The following ADAM18 variants were observed in gnomAD, a reference collection of about 807,000 sequenced individuals.
ADAM18 encodes ADAM metallopeptidase domain 18.
ADAM18 carries 117 observed loss-of-function variants against 94.4 expected under a neutral mutation model. The observed-to-expected ratio is 1.24, with a 90% confidence interval of 1.07 to 1.45. ADAM18 has a LOEUF of 1.45. Ranked by LOEUF, ADAM18 falls within the 40% of genes most tolerant of loss-of-function variation. The pLI, the probability that ADAM18 is intolerant of heterozygous loss-of-function variation, is 0.00. For synonymous variants in ADAM18, 327 were observed against 291.6 expected (o/e 1.12, Z -1.24); for missense variants, 936 against 880.0 (o/e 1.06, Z -0.81).
chr8:39,726,587 C>T (rs1484174926), intron 19 of ADAM18, among the ~76,000 whole-genome samples: 1 of 152,130 alleles, frequency 6.6e-6, no homozygotes, highest in Non-Finnish European at 1.5e-5. Flanking sequence ...GCTTCTATCG[C>T]ATGTGCTTTT....
chr8:39,654,987 G>A (rs1440104523), intron 12 of ADAM18, among the ~76,000 whole-genome samples: 1 of 151,952 alleles, frequency 6.6e-6, no homozygotes, highest in Non-Finnish European at 1.5e-5. Flanking sequence ...TCTTTAGGTT[G>A]TCTCTTCACT....
intron 16 of ADAM18, chr8:39,685,378 A>C (rs1255196606): frequency 6.6e-6 from 1 of 152,244 alleles, no homozygotes; most frequent in African/African-American, 2.4e-5. Flanking sequence ...GGTTTGCTAT[A>C]ATGCAGGGAA....
intron 17 of ADAM18, among the ~76,000 whole-genome samples, chr8:39,706,497 G>A (rs561001906): frequency 1.4e-4 from 21 of 152,070 alleles, no homozygotes; most frequent in Admixed American, 8.5e-4. Context: ...CTCTGAATAT[G>A]AAGACTACAA....
At chr8:39,706,754 G>T in intron 17 of ADAM18, 36 bp from the exon 18 acceptor site, 1 of 1,209,338 alleles carries the variant, frequency 8.3e-7, no homozygotes, top group Non-Finnish European at 1.2e-6. Context: ...CAAAGACTAA[G>T]ACGACTCAAA....
Position 39,618,753 on chromosome 8 carries a change from C to T in ADAM18, c.522+8047C>T, listed in dbSNP as rs575813414. Among the ~76,000 whole-genome samples, 21 of 152,246 alleles carry T rather than the reference C, an allele frequency of 1.4e-4. 1 individual carries two copies. The East Asian group carries it at 2.9e-3, about 21-fold the overall frequency. ...CCCCATGTGTCCGTTTATAGACTCC[C>T]GCAAGGGTCGCATTCCATTCCCAGA... On this transcript the variant is annotated intron_variant, in intron 6 of 19. Coordinates refer to ENST00000265707, the MANE Select transcript of ADAM18 (RefSeq NM_014237.3).
Position 39,706,877 on chromosome 8 carries a change from A to G in ADAM18, c.1990A>G (p.Ile664Val), listed in dbSNP as rs1377322309. 1.2e-6 allele frequency: 2 copies of G among 1,603,500 alleles called. No homozygotes were observed. Among genetic ancestry groups the G allele is most frequent in the Non-Finnish European group, 1.7e-6 (2 of 1,172,810 alleles). Residue 664 changes from isoleucine (I) to valine (V), a missense_variant, in exon 18 of 20, where the codon ATT becomes GTT. By Grantham distance (29) the Ile-to-Val change is conservative (BLOSUM62 3). Coordinates refer to ENST00000265707, the MANE Select transcript of ADAM18 (RefSeq NM_014237.3). ...KFQFGSPGGS[I>V]DDGNFQKSGD... ...CCAGTTTGGTTCCCCAGGGGGTAGTATTGATGATGGAAATTTTCAGAAATC... is the reference window on the plus strand; with the variant it reads ...CCAGTTTGGTTCCCCAGGGGGTAGTGTTGATGATGGAAATTTTCAGAAATC...
rs1013653690 is a variant in ADAM18 at position 39,648,608 on chromosome 8, A to C, written c.1230+81A>C. ...AGACATGTTTGTCATGGTATATATA[A>C]ATGATATATGCAACAATGCCATTAA... On this transcript the variant is annotated intron_variant, in intron 12 of 19. Transcript: ENST00000265707. 9.6e-6 allele frequency: 12 copies of C among 1,250,092 alleles called. No individual in the cohort carries two copies. The Admixed American group carries it at 3.2e-4, about 34-fold the overall frequency. 77.4% of individuals were successfully genotyped at this position (1,250,092 alleles called of 1,614,324 possible). A position where few individuals can be genotyped will look rare whatever the true frequency, so the allele number is the denominator to read the frequency against.
rs866052947 is a variant in ADAM18 at position 39,611,050 on chromosome 8, C to T, written c.522+344C>T. The T allele has an allele frequency of 4.8e-6, 5 of 1,031,672 alleles. No individual in the cohort carries two copies. The African/African-American group carries it at 8.4e-5, about 17-fold the overall frequency. 63.9% of individuals were successfully genotyped at this position (1,031,672 alleles called of 1,614,324 possible). A position where few individuals can be genotyped will look rare whatever the true frequency, so the allele number is the denominator to read the frequency against. Reference sequence around the variant, plus strand: ...TTTTGTTATATATCTTACATACTACCTGAACATATCTTTCTAAAATGCACA... The same window carrying T: ...TTTTGTTATATATCTTACATACTACTTGAACATATCTTTCTAAAATGCACA... On this transcript the variant is annotated intron_variant, in intron 6 of 19. Transcript: ENST00000265707.
chr8:39,596,720 G>A (rs916706218), intron 2 of ADAM18, among the ~76,000 whole-genome samples: 2 of 152,158 alleles, frequency 1.3e-5, no homozygotes, highest in East Asian at 1.9e-4. Context: ...TATATGGTAA[G>A]AGTATGTGTA....
intron 2 of ADAM18, among the ~76,000 whole-genome samples, chr8:39,599,379 A>G (rs540310194): frequency 1.4e-4 from 22 of 152,220 alleles, no homozygotes; most frequent in Non-Finnish European, 2.2e-4. Flanking sequence ...CTTTATAGAA[A>G]AAGAAGTATT....
intron 17 of ADAM18, among the ~76,000 whole-genome samples, chr8:39,694,680 C>T (rs1453887830): frequency 6.6e-6 from 1 of 151,390 alleles, no homozygotes; most frequent in African/African-American, 2.4e-5. Flanking sequence ...AATATATCTG[C>T]TCCCTCTCCC....
chr8:39,602,987 T>C (rs1818953177), intron 2 of ADAM18, among the ~76,000 whole-genome samples: 1 of 152,184 alleles, frequency 6.6e-6, no homozygotes, highest in Non-Finnish European at 1.5e-5. Flanking sequence ...AGGTGTGATG[T>C]CTGTATTGAG....
rs1226264123 is a variant in ADAM18, at chr8:39,696,150, A to G, written c.1902+3470A>G. 2.0e-5 allele frequency among the ~76,000 whole-genome samples: 3 copies of G among 151,590 alleles called. 1 individual carries two copies. In the South Asian group the frequency reaches 6.2e-4, roughly 31 times the overall value. On this transcript the variant is annotated intron_variant, in intron 17 of 19. Transcript: ENST00000265707. ...ATTTCCATTTCCCTAGTGATTAGCA[A>G]AGTTGAGCTTTATTTCCCTTATTGG...
At chr8:39,606,098 T>G (rs1387551394) in intron 2 of ADAM18, among the ~76,000 whole-genome samples, 2 of 152,178 alleles carry the variant, frequency 1.3e-5, no homozygotes, top group East Asian at 3.8e-4. Flanking sequence ...CCCTTCACTT[T>G]TATTTTAAAA....
chr8:39,706,850 T>A lies in ADAM18; in HGVS notation c.1963T>A (p.Phe655Ile). The A allele has an allele frequency of 6.2e-7, 1 of 1,611,414 alleles. No individual in the cohort carries two copies. Among genetic ancestry groups the A allele is most frequent in the Non-Finnish European group, 8.5e-7 (1 of 1,178,142 alleles). ...FPGHRPPDCK[F>I]QFGSPGGSID... is the part of the protein sequence containing the mutation. ...TGGACATAGACCTCCAGATTGTAAA[T>A]TCCAGTTTGGTTCCCCAGGGGGTAG... The change falls in exon 18 of 20, where the codon TTC becomes ATC. Residue 655 changes from phenylalanine to isoleucine, a missense_variant. Coordinates refer to ENST00000265707, the MANE Select transcript of ADAM18 (RefSeq NM_014237.3).
At chr8:39,595,982 G>A (rs1818730123) in intron 2 of ADAM18, among the ~76,000 whole-genome samples, 1 of 152,128 alleles carries the variant, frequency 6.6e-6, no homozygotes, top group South Asian at 2.1e-4. Context: ...CATTTTGGCT[G>A]GAACCAGAAA....
At chr8:39,664,972 T>C (rs1339209304) in intron 13 of ADAM18, among the ~76,000 whole-genome samples, 1 of 152,160 alleles carries the variant, frequency 6.6e-6, no homozygotes, top group Non-Finnish European at 1.5e-5. Flanking sequence ...TATACTAAAA[T>C]TCTGTTAGTG....
chr8:39,659,448 T>C (rs1325039775), intron 12 of ADAM18, among the ~76,000 whole-genome samples: 2 of 151,558 alleles, frequency 1.3e-5, no homozygotes, highest in Non-Finnish European at 1.5e-5. Flanking sequence ...ATTATAAACA[T>C]TGAACAGTAT....
intron 7 of ADAM18, among the ~76,000 whole-genome samples, chr8:39,634,314 C>T (rs917384530): frequency 5.9e-5 from 9 of 152,144 alleles, no homozygotes; most frequent in Admixed American, 5.9e-4. Flanking sequence ...TCAAAGGATG[C>T]CTCAGAGAGA....
Sources: allele counts gnomAD v4.1 joint callset (sites outside exome capture counted in the v4.1 genomes callset), GRCh38; gene constraint gnomAD v4.1.1; transcripts MANE v1.5; gene names NCBI Gene and HGNC (gene_info 2026-07-23, HGNC 2026-07-21).